Variants in PCDH15 observed in about 807,000 individuals in gnomAD.
PCDH15 encodes the protein protocadherin-15.
PCDH15 carries 129 observed loss-of-function variants against 178.5 expected under a neutral mutation model. The ratio of observed to expected loss-of-function variants is 0.72; its 90% CI spans 0.63 to 0.84. PCDH15 has a LOEUF of 0.84. Ranked by LOEUF, PCDH15 falls within the 40% of genes least tolerant of loss-of-function variation. PCDH15 has a pLI of 0.00. For synonymous variants in PCDH15, 800 were observed against 732.0 expected, an observed-to-expected ratio of 1.09 and a Z score of -1.50; for missense variants, 2,230 against 2,099.9, an observed-to-expected ratio of 1.06 and a Z score of -1.21.
chr10:54,263,159 C>A (rs2057446199), intron 8 of PCDH15, among the ~76,000 whole-genome samples: 1 of 152,164 alleles, frequency 6.6e-6, no homozygotes, highest in Non-Finnish European at 1.5e-5. Flanking sequence ...TGCGGACATA[C>A]CCTAAAACCT....
In PCDH15 at chr10:55,368,124, T is replaced by C. The variant is rs773298685; in HGVS notation, c.-155-201473A>G. ...CAAAAATACCTTAGGGATTAAATCT[T>C]AAAGCAATAAAGACAGAATGATATT... On this transcript the variant is annotated intron_variant, in intron 2 of 5. Coordinates refer to the PCDH15 transcript ENST00000613346. Among the ~76,000 whole-genome samples the C allele has an allele frequency of 2.0e-5, 3 of 152,120 alleles. No individual in the cohort carries two copies. The South Asian group carries it at 6.2e-4, about 32-fold the overall frequency.
At chr10:54,058,051 T>A (rs2093935393) in intron 18 of PCDH15, among the ~76,000 whole-genome samples, 1 of 152,188 alleles carries the variant, frequency 6.6e-6, no homozygotes. Flanking sequence ...AATAATTCTC[T>A]ATGAAGTTCC....
intron 11 of PCDH15, among the ~76,000 whole-genome samples, chr10:54,189,925 ATGTGTGTGTGTGTGTG>A (rs57024579): frequency 1.4e-5 from 2 of 141,482 alleles, no homozygotes; most frequent in Non-Finnish European, 3.1e-5. Context: ...ATGCATGTGT[ATGTGTGTGTGTGTGTG>A]TGTGTGTGTG....
chr10:54,071,784 C>G (rs957248264), intron 17 of PCDH15, among the ~76,000 whole-genome samples: 1 of 152,040 alleles, frequency 6.6e-6, no homozygotes, highest in South Asian at 2.1e-4. Context: ...TTATGGAGCA[C>G]TTATCATTTA....
chr10:54,157,617 G>A (rs2045296772), intron 13 of PCDH15, among the ~76,000 whole-genome samples: 1 of 152,168 alleles, frequency 6.6e-6, no homozygotes, highest in Non-Finnish European at 1.5e-5. Context: ...CATTGTCTTG[G>A]GGATTAACAT....
upstream of PCDH15, among the ~76,000 whole-genome samples, chr10:54,803,514 T>C (rs1467766538): frequency 6.6e-6 from 1 of 152,078 alleles, no homozygotes; most frequent in East Asian, 1.9e-4. Context: ...TAGGGGTGGG[T>C]CTGAGGAAGA....
intron 20 of PCDH15, among the ~76,000 whole-genome samples, chr10:53,999,658 C>G (rs1031303321): frequency 6.6e-6 from 1 of 152,100 alleles, no homozygotes; most frequent in South Asian, 2.1e-4. Flanking sequence ...TGGAGAAGGA[C>G]TGTTTCTCAT....
At chr10:55,308,039 T>G (rs564154945) in intron 1 of PCDH15, among the ~76,000 whole-genome samples, 1 of 152,308 alleles carries the variant, frequency 6.6e-6, no homozygotes, top group African/African-American at 2.4e-5. Flanking sequence ...TAGTGCATTA[T>G]CATTAAAAAT....
chr10:55,378,543 A>G (rs991556128), intron 2 of PCDH15, among the ~76,000 whole-genome samples: 12 of 152,124 alleles, frequency 7.9e-5, no homozygotes, highest in Non-Finnish European at 1.5e-4. Context: ...TTATGGAACT[A>G]TTTACCTCAT....
chr10:54,193,236 AT>A (rs1263175571), intron 11 of PCDH15, among the ~76,000 whole-genome samples: 2 of 152,200 alleles, frequency 1.3e-5, no homozygotes, highest in East Asian at 3.9e-4. Flanking sequence ...AACATTTGTA[AT>A]TTAAAAGTGA....
At chr10:55,472,824 T>C (rs1839990912) in intron 2 of PCDH15, among the ~76,000 whole-genome samples, 2 of 152,178 alleles carry the variant, frequency 1.3e-5, no homozygotes, top group Admixed American at 6.5e-5. Context: ...CGACTCGGCC[T>C]CCCAAAGTGC....
At chr10:54,969,945 T>C (rs1838890000) in intron 2 of PCDH15, among the ~76,000 whole-genome samples, 1 of 152,226 alleles carries the variant, frequency 6.6e-6, no homozygotes, top group South Asian at 2.1e-4. Flanking sequence ...GAAATTTTTG[T>C]TGTCTTTTTG....
At chr10:54,618,746 A>G (rs2093262874) in intron 2 of PCDH15, among the ~76,000 whole-genome samples, 2 of 152,096 alleles carry the variant, frequency 1.3e-5, no homozygotes, top group South Asian at 4.1e-4. Context: ...TAGAATCACT[A>G]ATTATGTTGA....
At chr10:54,870,159 C>A (rs888582299) in intron 3 of PCDH15, among the ~76,000 whole-genome samples, 2 of 152,286 alleles carry the variant, frequency 1.3e-5, no homozygotes, top group East Asian at 3.9e-4. Context: ...TAAGGAAAAT[C>A]AGAAAGAGCT....
chr10:55,132,254 G>T (rs1051712420), intron 2 of PCDH15, among the ~76,000 whole-genome samples: 1 of 152,070 alleles, frequency 6.6e-6, no homozygotes, highest in East Asian at 1.9e-4. Flanking sequence ...ACTCACAAAA[G>T]GCTCTGTTTT....
intron 2 of PCDH15, among the ~76,000 whole-genome samples, chr10:55,469,676 T>A (rs1052292375): frequency 1.3e-5 from 2 of 152,038 alleles, no homozygotes; most frequent in African/African-American, 4.8e-5. Flanking sequence ...ATTTTCAAGA[T>A]TTCCACTTCT....
chr10:54,038,534 T>G (rs2093469786), intron 18 of PCDH15, among the ~76,000 whole-genome samples: 1 of 151,948 alleles, frequency 6.6e-6, no homozygotes, highest in Non-Finnish European at 1.5e-5. Context: ...ACAGTTTTTC[T>G]GAGCTGGGGT....
intron 23 of PCDH15, among the ~76,000 whole-genome samples, chr10:53,954,579 T>G (rs1293418605): frequency 1.3e-5 from 2 of 152,246 alleles, no homozygotes; most frequent in African/African-American, 4.8e-5. Flanking sequence ...ATTTTTATTT[T>G]CTTTATATTT....
intron 2 of PCDH15, among the ~76,000 whole-genome samples, chr10:54,986,676 A>G (rs1839373460): frequency 6.6e-6 from 1 of 152,192 alleles, no homozygotes; most frequent in Admixed American, 6.5e-5. Context: ...CTGAATTTTT[A>G]AGCCAAGCTA....
Sources: allele counts gnomAD v4.1 joint callset (sites outside exome capture counted in the v4.1 genomes callset), GRCh38; gene constraint gnomAD v4.1.1; transcripts MANE v1.5; gene names NCBI Gene and HGNC (gene_info 2026-07-23, HGNC 2026-07-21).